NRXN1: variants seen among roughly 807,000 people sequenced by gnomAD.
NRXN1 encodes the protein neurexin-1.
Under a neutral mutation model 150.9 loss-of-function variants are expected in NRXN1, and 39 were observed. That is an observed-to-expected ratio of 0.26 (90% confidence interval 0.20 to 0.34). NRXN1 has a LOEUF of 0.34. Ranked by LOEUF, NRXN1 falls within the 10% of genes least tolerant of loss-of-function variation. The probability of loss-of-function intolerance (pLI) is 1.00; values close to 1 mark genes in which losing one functional copy is unlikely to be tolerated. For synonymous variants in NRXN1, 924 were observed against 757.0 expected, an observed-to-expected ratio of 1.22 and a Z score of -3.62; for missense variants, 1,815 against 1,949.9, an observed-to-expected ratio of 0.93 and a Z score of 1.30.
In NRXN1 at chr2:50,969,450, G is replaced by T. The variant is rs550543297; in HGVS notation, c.773-43495C>A. On this transcript the variant is annotated intron_variant, in intron 2 of 22. Transcript: ENST00000401669. ...TTAAATGATTATAAACTCTCTTGATGAATTTACCTACACTATTATTTTATG... is the reference window on the plus strand; with the variant it reads ...TTAAATGATTATAAACTCTCTTGATTAATTTACCTACACTATTATTTTATG... Among the ~76,000 whole-genome samples, 12 of 152,138 alleles carry T rather than the reference G, an allele frequency of 7.9e-5. No individual in the cohort carries two copies. In the South Asian group the frequency reaches 1.0e-3, roughly 13 times the overall value.
chr2:50,797,210 A>C (rs1395943254), intron 5 of NRXN1, among the ~76,000 whole-genome samples: 1 of 152,164 alleles, frequency 6.6e-6, no homozygotes, highest in Non-Finnish European at 1.5e-5. Flanking sequence ...GTTCATAATT[A>C]GATTTATTGT....
intron 17 of NRXN1, among the ~76,000 whole-genome samples, chr2:50,273,101 C>T (rs557289865): frequency 2.0e-5 from 3 of 152,042 alleles, no homozygotes; most frequent in African/African-American, 4.8e-5. Flanking sequence ...TCAATGAAAA[C>T]GACATTGAGG....
intron 17 of NRXN1, among the ~76,000 whole-genome samples, chr2:50,287,519 T>C (rs1361860251): frequency 6.6e-6 from 1 of 152,010 alleles, no homozygotes; most frequent in East Asian, 1.9e-4. Context: ...ATTGTCTGAA[T>C]ATTAGCAAGT....
chr2:50,519,376 A>G (rs920843903), intron 12 of NRXN1, among the ~76,000 whole-genome samples: 4 of 151,988 alleles, frequency 2.6e-5, no homozygotes, highest in African/African-American at 7.2e-5. Flanking sequence ...TTATTTTAGT[A>G]ATTGAAAAAT....
intron 10 of NRXN1, among the ~76,000 whole-genome samples, chr2:50,535,963 A>G (rs985960109): frequency 1.3e-5 from 2 of 152,232 alleles, no homozygotes; most frequent in Non-Finnish European, 2.9e-5. Flanking sequence ...TCTTAAAAAA[A>G]GAAACTTCAA....
At chr2:50,701,612 A>T (rs1693754984) in intron 5 of NRXN1, among the ~76,000 whole-genome samples, 1 of 152,224 alleles carries the variant, frequency 6.6e-6, no homozygotes, top group Admixed American at 6.5e-5. Context: ...AGCGTCCTGC[A>T]TATAAATCCC....
At chr2:50,701,106 C>T (rs775230289) in intron 5 of NRXN1, among the ~76,000 whole-genome samples, 6 of 152,126 alleles carry the variant, frequency 3.9e-5, no homozygotes, top group Non-Finnish European at 7.4e-5. Flanking sequence ...TAGGCCTTTC[C>T]TTCCACTGAT....
intron 17 of NRXN1, among the ~76,000 whole-genome samples, chr2:50,324,050 T>G (rs1024511452): frequency 6.6e-6 from 1 of 152,202 alleles, no homozygotes; most frequent in African/African-American, 2.4e-5. Context: ...GGGAAGGCTT[T>G]GAATGTAAGA....
At chr2:50,680,030 T>C (rs549418591) in intron 5 of NRXN1, among the ~76,000 whole-genome samples, 11 of 150,898 alleles carry the variant, frequency 7.3e-5, no homozygotes, top group Non-Finnish European at 8.9e-5. Context: ...TTGGTGGGGG[T>C]TGGGGTGGGG....
Position 50,997,814 on chromosome 2 carries a change from T to C in NRXN1, c.772+29688A>G, listed in dbSNP as rs545715812. On this transcript the variant is annotated intron_variant, in intron 2 of 22. Transcript: ENST00000401669. ...GTGAGCCATCACATCAGCCACATTT[T>C]CATTTAGACAATTTAATTTGGAACA... 7.0e-5 allele frequency among the ~76,000 whole-genome samples: 10 copies of C among 142,470 alleles called. 2 individuals carry two copies. The highest frequency in any genetic ancestry group is 2.0e-4 in the African/African-American group (7 of 34,150). 93.5% of individuals were successfully genotyped at this position (142,470 alleles called of 152,430 possible). A position where few individuals can be genotyped will look rare whatever the true frequency, so the allele number is the denominator to read the frequency against.
Position 50,347,488 on chromosome 2 carries a change from C to T in NRXN1, c.3365-110518G>A, listed in dbSNP as rs1459712438. 2 of 1,074,072 alleles carry T rather than the reference C, an allele frequency of 1.9e-6. No homozygotes were observed. The highest frequency in any genetic ancestry group is 1.7e-5 in the African/African-American group (1 of 57,802). 66.5% of individuals were successfully genotyped at this position (1,074,072 alleles called of 1,614,324 possible). On this transcript the variant is annotated intron_variant, in intron 17 of 22. Coordinates refer to ENST00000401669, the MANE Select transcript of NRXN1 (RefSeq NM_001330078.2). This position sits in a 1 kb window ranked among gnomAD's most constrained non-coding sequence, Gnocchi z 4.9. ...AAGCAGACCCCATGGAATCCAGGCG[C>T]CCCTTCCCTCCATTCAGCCCCGGCC... is the stretch of plus-strand genomic sequence containing the variant.
chr2:50,936,382 T>G (rs187866610), intron 2 of NRXN1, among the ~76,000 whole-genome samples: 65 of 152,274 alleles, frequency 4.3e-4, no homozygotes, highest in Admixed American at 9.2e-4. Flanking sequence ...ATCTTATATC[T>G]TGTACTACTA....
intron 5 of NRXN1, among the ~76,000 whole-genome samples, chr2:50,680,512 T>C (rs745611093): frequency 1.9e-4 from 29 of 152,272 alleles, no homozygotes; most frequent in Non-Finnish European, 3.8e-4. Context: ...ATAATGTTGA[T>C]ACAAAGTCAA....
chr2:50,073,673 G>C (rs977791470), intron 19 of NRXN1, among the ~76,000 whole-genome samples: 1 of 151,998 alleles, frequency 6.6e-6, no homozygotes, highest in Admixed American at 6.6e-5. Flanking sequence ...CTTGAAACTT[G>C]ACATAATGAC....
At chr2:50,243,988 T>C (rs1478234487) in intron 17 of NRXN1, among the ~76,000 whole-genome samples, 1 of 151,914 alleles carries the variant, frequency 6.6e-6, no homozygotes, top group Non-Finnish European at 1.5e-5. Context: ...ATTTCAATAG[T>C]AATTATGCGC....
At position 51,029,136 on chromosome 2, in the gene NRXN1, T is replaced by G. The variant is rs1332155872; in HGVS notation, c.-863A>C. On this transcript the variant is annotated 5_prime_UTR_variant, in exon 2 of 23. Coordinates refer to ENST00000401669, the MANE Select transcript of NRXN1 (RefSeq NM_001330078.2). ...CAAGCTAAGATGCCAGCACATCAAT[T>G]GGTTGTGTGTTGGTGATGCATTTTG... The G allele has an allele frequency of 6.6e-6, 1 of 152,238 alleles. No homozygotes were observed. Among genetic ancestry groups the G allele is most frequent in the Admixed American group, 6.5e-5 (1 of 15,284 alleles). 9.4% of individuals were successfully genotyped at this position (152,238 alleles called of 1,614,324 possible).
At chr2:50,497,041 G>A (rs769443107) in intron 14 of NRXN1, among the ~76,000 whole-genome samples, 6 of 152,138 alleles carry the variant, frequency 3.9e-5, no homozygotes, top group Non-Finnish European at 8.8e-5. Context: ...ATTGTGCATA[G>A]TCAGGAAATG....
At chr2:50,556,788 A>G (rs1668324641) in intron 8 of NRXN1, among the ~76,000 whole-genome samples, 2 of 152,166 alleles carry the variant, frequency 1.3e-5, no homozygotes, top group Non-Finnish European at 2.9e-5. Flanking sequence ...AGTAGTCTGC[A>G]TATTAACTTG....
intron 5 of NRXN1, among the ~76,000 whole-genome samples, chr2:50,681,170 A>G (rs1690338978): frequency 6.6e-6 from 1 of 152,188 alleles, no homozygotes; most frequent in Admixed American, 6.5e-5. Context: ...CTAATGTTGG[A>G]TCTGTACACT....
Sources: allele counts gnomAD v4.1 joint callset (sites outside exome capture counted in the v4.1 genomes callset), GRCh38; gene constraint gnomAD v4.1.1; non-coding constraint Gnocchi (gnomAD v3.1); transcripts MANE v1.5; gene names NCBI Gene and HGNC (gene_info 2026-07-23, HGNC 2026-07-21).